The following FHIT variants were observed in gnomAD, a reference collection of about 807,000 sequenced individuals.
The protein encoded by FHIT is bis(5'-adenosyl)-triphosphatase.
Under a neutral mutation model 17.9 loss-of-function variants are expected in FHIT, and 19 were observed. That is an observed-to-expected ratio of 1.06 (90% CI 0.74 to 1.56). FHIT has a LOEUF of 1.56. Ranked by LOEUF, FHIT falls within the 40% of genes most tolerant of loss-of-function variation. The pLI, the probability that FHIT is intolerant of heterozygous loss-of-function variation, is 0.00. For synonymous variants in FHIT, 81 were observed against 69.7 expected (o/e 1.16, Z -0.81); for missense variants, 248 against 189.2 (o/e 1.31, Z -1.82).
intron 4 of FHIT, among the ~76,000 whole-genome samples, chr3:60,716,106 T>C (rs1553706712): frequency 6.6e-6 from 1 of 151,964 alleles, no homozygotes; most frequent in African/African-American, 2.4e-5. Flanking sequence ...TAGCCAGGTG[T>C]GGTGGTGCAT....
chr3:60,432,617 A>G (rs1235944696), intron 5 of FHIT, among the ~76,000 whole-genome samples: 1 of 152,138 alleles, frequency 6.6e-6, no homozygotes, highest in Non-Finnish European at 1.5e-5. Context: ...ACAAATAAAC[A>G]TAATTCTAAT....
chr3:60,490,205 T>C (rs2034004517), intron 5 of FHIT, among the ~76,000 whole-genome samples: 1 of 152,182 alleles, frequency 6.6e-6, no homozygotes, highest in Non-Finnish European at 1.5e-5. Context: ...ACACTGTTTG[T>C]GTTTATAAAG....
intron 5 of FHIT, among the ~76,000 whole-genome samples, chr3:60,351,123 C>A (rs937513735): frequency 1.3e-5 from 2 of 152,154 alleles, no homozygotes; most frequent in African/African-American, 4.8e-5. Flanking sequence ...TTCTGACTCA[C>A]ATGAACTATG....
chr3:60,835,297 C>A (rs1702496556), intron 3 of FHIT, among the ~76,000 whole-genome samples: 1 of 152,064 alleles, frequency 6.6e-6, no homozygotes, highest in Non-Finnish European at 1.5e-5. Context: ...TGCTTTAAAC[C>A]TGTATATCAA....
intron 8 of FHIT, among the ~76,000 whole-genome samples, chr3:59,790,438 T>C (rs1162404752): frequency 2.6e-5 from 4 of 152,186 alleles, no homozygotes; most frequent in Admixed American, 2.0e-4. Context: ...CAGCTAATTA[T>C]AGTAAGAGCA....
At chr3:60,661,871 A>G (rs1299436978) in intron 4 of FHIT, among the ~76,000 whole-genome samples, 2 of 151,968 alleles carry the variant, frequency 1.3e-5, no homozygotes, top group African/African-American at 4.8e-5. Context: ...TTGTCTATTC[A>G]TGTCTTTAGC....
At chr3:61,214,867 A>C (rs1030651939) in intron 1 of FHIT, among the ~76,000 whole-genome samples, 4 of 152,174 alleles carry the variant, frequency 2.6e-5, no homozygotes, top group Non-Finnish European at 5.9e-5. Context: ...GCAAATCAGT[A>C]AATGTAATCC....
chr3:60,918,851 A>G (rs1030148863), intron 3 of FHIT, among the ~76,000 whole-genome samples: 17 of 152,218 alleles, frequency 1.1e-4, no homozygotes, highest in Non-Finnish European at 1.8e-4. Context: ...CACCTTAGTA[A>G]CACTTGCCAA....
intron 4 of FHIT, among the ~76,000 whole-genome samples, chr3:60,621,016 A>G (rs782689490): frequency 8.5e-5 from 13 of 152,140 alleles, no homozygotes; most frequent in Non-Finnish European, 1.9e-4. Context: ...CTTATAAAAA[A>G]TGTCAAACCA....
At chr3:60,312,709 A>G (rs1226058643) in intron 5 of FHIT, among the ~76,000 whole-genome samples, 3 of 152,150 alleles carry the variant, frequency 2.0e-5, no homozygotes, top group African/African-American at 7.2e-5. Flanking sequence ...AAAACACTGC[A>G]TCTGAGGGAG....
At chr3:61,161,080 G>C (rs1462303357) in intron 2 of FHIT, among the ~76,000 whole-genome samples, 1 of 150,024 alleles carries the variant, frequency 6.7e-6, no homozygotes, top group African/African-American at 2.5e-5. Context: ...GCCTGCTTTT[G>C]CTGGGTTGGG....
intron 7 of FHIT, among the ~76,000 whole-genome samples, chr3:60,002,051 G>T (rs529696691): frequency 2.0e-5 from 3 of 152,200 alleles, no homozygotes; most frequent in East Asian, 3.9e-4. Flanking sequence ...CAAAGTAAAA[G>T]AATATTTGGT....
intron 5 of FHIT, among the ~76,000 whole-genome samples, chr3:60,336,723 C>T (rs1710257236): frequency 6.6e-6 from 1 of 152,080 alleles, no homozygotes; most frequent in Non-Finnish European, 1.5e-5. Context: ...ACATTTCCAG[C>T]ACTGCAGAAA....
chr3:60,702,478 T>A (rs982106164), intron 4 of FHIT, among the ~76,000 whole-genome samples: 3 of 152,180 alleles, frequency 2.0e-5, no homozygotes, highest in Admixed American at 2.0e-4. Flanking sequence ...TAGGCCTTTT[T>A]TGTTAAATTG....
At chr3:59,856,820 A>C (rs1012133160) in intron 8 of FHIT, among the ~76,000 whole-genome samples, 1 of 152,180 alleles carries the variant, frequency 6.6e-6, no homozygotes, top group African/African-American at 2.4e-5. Context: ...AACAGTAAGC[A>C]ATAATAAGTT....
intron 2 of FHIT, among the ~76,000 whole-genome samples, chr3:61,094,121 C>T (rs952408672): frequency 4.9e-5 from 6 of 121,386 alleles, no homozygotes; most frequent in Admixed American, 3.7e-4. Flanking sequence ...TGAATGCAAC[C>T]AAGTGTGTGT....
At chr3:60,222,825 C>G (rs1042794575) in intron 5 of FHIT, among the ~76,000 whole-genome samples, 1 of 152,070 alleles carries the variant, frequency 6.6e-6, no homozygotes, top group Non-Finnish European at 1.5e-5. Flanking sequence ...TGCTTGAACT[C>G]GGGAGGCAGA....
intron 3 of FHIT, among the ~76,000 whole-genome samples, chr3:61,034,861 G>C (rs150666872): frequency 6.6e-6 from 1 of 152,104 alleles, no homozygotes; most frequent in African/African-American, 2.4e-5. Flanking sequence ...ATACACAATA[G>C]CCAAAAGGTG....
At chr3:60,008,460 A>G (rs866896268) in intron 7 of FHIT, among the ~76,000 whole-genome samples, 8 of 152,154 alleles carry the variant, frequency 5.3e-5, no homozygotes, top group African/African-American at 1.9e-4. Context: ...GCAAAGCAGA[A>G]TTTAAAGCCC....
Sources: allele counts gnomAD v4.1 joint callset (sites outside exome capture counted in the v4.1 genomes callset), GRCh38; gene constraint gnomAD v4.1.1; transcripts MANE v1.5; gene names NCBI Gene and HGNC (gene_info 2026-07-23, HGNC 2026-07-21).